CSMD3: variants seen among roughly 807,000 people sequenced by gnomAD.
CSMD3 encodes CUB and Sushi multiple domains 3, also known as CUB and sushi domain-containing protein 3.
CSMD3 carries 177 observed loss-of-function variants against 435.2 expected under a neutral mutation model. The ratio of observed to expected loss-of-function variants is 0.41; its 90% CI spans 0.36 to 0.46. CSMD3 has a LOEUF of 0.46. Ranked by LOEUF, CSMD3 falls within the 20% of genes least tolerant of loss-of-function variation. The pLI, the probability that CSMD3 is intolerant of heterozygous loss-of-function variation, is 0.34. For missense variants in CSMD3, 4,265 were observed against 4,504.6 expected (o/e 0.95, Z 1.52); for synonymous variants, 1,656 against 1,520.5 (o/e 1.09, Z -2.07).
chr8:112,271,451 G>T (rs11775143), intron 59 of CSMD3, among the ~76,000 whole-genome samples: 1 of 151,844 alleles, frequency 6.6e-6, no homozygotes, highest in African/African-American at 2.4e-5. Context: ...ATTATAGTAT[G>T]TCATATACAT....
At chr8:113,352,426 C>T (rs1456377171) in intron 1 of CSMD3, among the ~76,000 whole-genome samples, 2 of 152,176 alleles carry the variant, frequency 1.3e-5, no homozygotes, top group East Asian at 1.9e-4. Flanking sequence ...AGAAGGAGCA[C>T]GCCCTTGCTA....
chr8:112,497,431 G>T (rs1020666409), intron 30 of CSMD3, among the ~76,000 whole-genome samples: 28 of 151,062 alleles, frequency 1.9e-4, no homozygotes, highest in Non-Finnish European at 3.1e-4. Flanking sequence ...CCCTGATAAT[G>T]ATTATGACAC....
At chr8:113,060,332 T>C (rs1187753791) in intron 5 of CSMD3, among the ~76,000 whole-genome samples, 1 of 149,620 alleles carries the variant, frequency 6.7e-6, no homozygotes, top group Non-Finnish European at 1.5e-5. Flanking sequence ...ACTCATCATT[T>C]TTTATGGCTG....
At chr8:113,387,369 C>A (rs906485947) in intron 1 of CSMD3, among the ~76,000 whole-genome samples, 4 of 151,764 alleles carry the variant, frequency 2.6e-5, no homozygotes, top group Non-Finnish European at 5.9e-5. Context: ...TTCTATATCA[C>A]TTGTCCAATT....
intron 2 of CSMD3, among the ~76,000 whole-genome samples, chr8:113,307,790 CAAAAT>C (rs1357181376): frequency 6.6e-6 from 1 of 152,030 alleles, no homozygotes; most frequent in Non-Finnish European, 1.5e-5. Flanking sequence ...CACAAAAGTG[CAAAAT>C]AATACCACAA....
intron 5 of CSMD3, among the ~76,000 whole-genome samples, chr8:113,064,353 A>G (rs541687118): frequency 1.3e-5 from 2 of 152,170 alleles, no homozygotes; most frequent in South Asian, 4.1e-4. Flanking sequence ...TCATTAAAAT[A>G]TATAGAGAGA....
At chr8:112,783,561 TAAC>T (rs2078457914) in intron 13 of CSMD3, among the ~76,000 whole-genome samples, 1 of 151,186 alleles carries the variant, frequency 6.6e-6, no homozygotes, top group South Asian at 2.1e-4. Flanking sequence ...ACTAGAAAAA[TAAC>T]AAAATGAAGG....
At chr8:113,252,588 A>G (rs1427003232) in intron 3 of CSMD3, among the ~76,000 whole-genome samples, 1 of 151,870 alleles carries the variant, frequency 6.6e-6, no homozygotes. Flanking sequence ...AACCTTTTTC[A>G]TTTTTCCAAG....
At chr8:112,276,802 G>A (rs1252863123) in intron 59 of CSMD3, among the ~76,000 whole-genome samples, 1 of 152,138 alleles carries the variant, frequency 6.6e-6, no homozygotes, top group Non-Finnish European at 1.5e-5. Flanking sequence ...CTTGACTTCT[G>A]TGCACCTGCA....
intron 10 of CSMD3, among the ~76,000 whole-genome samples, chr8:112,880,293 C>T (rs1224729481): frequency 6.6e-6 from 1 of 151,914 alleles, no homozygotes; most frequent in Admixed American, 6.6e-5. Flanking sequence ...TAAACATTGA[C>T]TTAGAATGTT....
At chr8:112,438,733 T>C (rs1814654017) in intron 32 of CSMD3, among the ~76,000 whole-genome samples, 1 of 152,184 alleles carries the variant, frequency 6.6e-6, no homozygotes, top group Non-Finnish European at 1.5e-5. Flanking sequence ...TCCATCTAGA[T>C]ATAGCTAGTG....
intron 45 of CSMD3, among the ~76,000 whole-genome samples, chr8:112,334,959 CA>C (rs1433098680): frequency 6.6e-6 from 1 of 152,122 alleles, no homozygotes; most frequent in Non-Finnish European, 1.5e-5. Flanking sequence ...GAAAGAGTCA[CA>C]GCAGGTTGAA....
chr8:113,374,959 C>G (rs2094371982), intron 1 of CSMD3, among the ~76,000 whole-genome samples: 1 of 150,942 alleles, frequency 6.6e-6, no homozygotes, highest in Admixed American at 6.6e-5. Flanking sequence ...TTTGTTTTTA[C>G]AGTTGGAAGA....
Position 112,961,137 on chromosome 8 carries a change from T to C in CSMD3, c.1343-6376A>G, listed in dbSNP as rs183994242. Among the ~76,000 whole-genome samples, 1,014 of 151,892 alleles carry C rather than the reference T, an allele frequency of 6.7e-3. 7 individuals are homozygous for C. Among genetic ancestry groups the C allele is most frequent in the Middle Eastern group, 0.021 (6 of 292 alleles). ...ATCTTTAAATGTTAGTTATTTGTAC[T>C]AATATTATTTACCATTTATAATATT... On this transcript the variant is annotated intron_variant, in intron 7 of 70. Coordinates refer to ENST00000297405, the MANE Select transcript of CSMD3 (RefSeq NM_198123.2).
intron 31 of CSMD3, among the ~76,000 whole-genome samples, chr8:112,473,895 G>A (rs561394881): frequency 2.0e-5 from 3 of 151,968 alleles, no homozygotes; most frequent in Non-Finnish European, 2.9e-5. Context: ...TACACTGTAG[G>A]TTTTTTAGGG....
intron 1 of CSMD3, among the ~76,000 whole-genome samples, chr8:113,383,040 C>A (rs1468223258): frequency 6.6e-6 from 1 of 151,878 alleles, no homozygotes; most frequent in Non-Finnish European, 1.5e-5. Flanking sequence ...TAGAATTTCA[C>A]AGAGGATAGA....
chr8:113,106,004 G>C (rs2090464209), intron 4 of CSMD3, among the ~76,000 whole-genome samples: 1 of 151,884 alleles, frequency 6.6e-6, no homozygotes, highest in Non-Finnish European at 1.5e-5. Flanking sequence ...GGACTTTATA[G>C]CAGATATAAC....
chr8:113,204,988 CT>C (rs111767659), intron 3 of CSMD3, among the ~76,000 whole-genome samples: 15,232 of 145,700 alleles, frequency 0.1, 881 homozygotes, highest in Middle Eastern at 0.17. Context: ...AGGGGAACTC[CT>C]TTTTTTTTTT....
chr8:112,742,667 C>T (rs2077338354), intron 13 of CSMD3, among the ~76,000 whole-genome samples: 1 of 151,800 alleles, frequency 6.6e-6, no homozygotes, highest in Non-Finnish European at 1.5e-5. Flanking sequence ...GAAATAGAAA[C>T]ATGACCCATC....
Sources: gnomAD v4.1 joint callset for allele counts (sites outside exome capture counted in the v4.1 genomes callset) on GRCh38, gnomAD v4.1.1 for gene constraint, MANE v1.5 for transcripts, NCBI Gene and HGNC (gene_info 2026-07-23, HGNC 2026-07-21) for gene names.